RBM39: variants seen among roughly 807,000 people sequenced by gnomAD.
The protein encoded by RBM39 is RNA-binding protein 39.
In RBM39, 12 loss-of-function variants were observed where a neutral mutation model predicts 79.6. The observed-to-expected ratio is 0.15, with a 90% CI of 0.10 to 0.24. RBM39 has a LOEUF of 0.24. Ranked by LOEUF, RBM39 falls within the 10% of genes least tolerant of loss-of-function variation. RBM39 has a pLI of 1.00. For synonymous variants in RBM39, 185 were observed against 208.4 expected (o/e 0.89, Z 0.97); for missense variants, 243 against 653.4 (o/e 0.37, Z 6.85).
At chr20:35,707,272 C>G in intron 13 of RBM39, 71 bp from the exon 14 acceptor site, 2 of 1,128,060 alleles carry the variant, frequency 1.8e-6, no homozygotes, top group Non-Finnish European at 1.3e-6. Flanking sequence ...TACTTTAAAA[C>G]GAAACCAAAA....
At chr20:35,722,447 T>C in intron 8 of RBM39, among the ~76,000 whole-genome samples, 1 of 141,934 alleles carries the variant, frequency 7.0e-6, no homozygotes, top group African/African-American at 2.6e-5. Flanking sequence ...AATAAAAAGT[T>C]TATTTAGAGG....
Position 35,712,813 on chromosome 20 carries a change from G to A in RBM39, c.1174+206C>T, listed in dbSNP as rs564044435. Among the ~76,000 whole-genome samples, 7 of 152,042 alleles carry A rather than the reference G, an allele frequency of 4.6e-5. No individual in the cohort carries two copies. The East Asian group carries it at 7.7e-4, about 17-fold the overall frequency. Reference sequence around the variant, plus strand: ...ATTTCGACTAAAAACTGGGGTGCAGGGTTTAAAACTGTCCTGACAACTCAT... The same window carrying A: ...ATTTCGACTAAAAACTGGGGTGCAGAGTTTAAAACTGTCCTGACAACTCAT... On this transcript the variant is annotated intron_variant, in intron 12 of 16. Coordinates refer to ENST00000253363, the MANE Select transcript of RBM39 (RefSeq NM_184234.3).
At chr20:35,719,989 G>A in intron 9 of RBM39, 2 of 275,012 alleles carry the variant, frequency 7.3e-6, no homozygotes, top group Non-Finnish European at 1.5e-5. Context: ...TACCACGTTG[G>A]CCAAGCTGGT....
intron 9 of RBM39, among the ~76,000 whole-genome samples, chr20:35,720,894 C>G (rs1302152373): frequency 6.6e-6 from 1 of 152,194 alleles, no homozygotes; most frequent in East Asian, 1.9e-4. Context: ...AAGGGCAAAT[C>G]TAATCAGGCT....
chr20:35,736,664 T>C (rs2039951844), intron 3 of RBM39: 1 of 454,824 alleles, frequency 2.2e-6, no homozygotes, highest in Non-Finnish European at 4.5e-6. Context: ...ATTTTTATGT[T>C]TGTTTGAGAC....
intron 3 of RBM39, among the ~76,000 whole-genome samples, chr20:35,736,062 G>A (rs538803735): frequency 3.3e-5 from 5 of 152,314 alleles, no homozygotes; most frequent in East Asian, 3.9e-4. Context: ...AAAAGTGTAC[G>A]TTCTTATCCT....
intron 8 of RBM39, among the ~76,000 whole-genome samples, chr20:35,722,429 A>AT (rs1569029178): frequency 1.2e-4 from 15 of 122,562 alleles, no homozygotes; most frequent in African/African-American, 3.6e-4. Flanking sequence ...AATAAAAAAA[A>AT]AAATAAAAAT....
chr20:35,708,226 A>C (rs2035985625), intron 13 of RBM39, among the ~76,000 whole-genome samples: 1 of 152,068 alleles, frequency 6.6e-6, no homozygotes, highest in Non-Finnish European at 1.5e-5. Flanking sequence ...TTCTGCTGGA[A>C]AAAAGTTAAA....
At chr20:35,709,664 T>C (rs984625163) in intron 12 of RBM39, among the ~76,000 whole-genome samples, 2 of 152,138 alleles carry the variant, frequency 1.3e-5, no homozygotes, top group African/African-American at 2.4e-5. Context: ...TTAGTGGCCA[T>C]AGTACTTAAC....
intron 6 of RBM39, among the ~76,000 whole-genome samples, chr20:35,729,096 TAA>T (rs1569052226): frequency 2.3e-4 from 35 of 151,910 alleles, no homozygotes; most frequent in Middle Eastern, 3.4e-3. Context: ...AATAAATAAA[TAA>T]ATAAATATAT....
chr20:35,728,352 G>A (rs894503235), intron 6 of RBM39, among the ~76,000 whole-genome samples: 8 of 152,058 alleles, frequency 5.3e-5, no homozygotes, highest in African/African-American at 1.7e-4. Flanking sequence ...CTAATTACCC[G>A]ATTTGATCAT....
Position 35,714,296 on chromosome 20 carries a change from G to A in RBM39, c.985C>T (p.Arg329Cys). Reference sequence around the variant, plus strand: ...GAACTAGCACTCGAAGCATCAGTACGTTCAGTAACATGACCAACTTTCATT... The same window carrying A: ...GAACTAGCACTCGAAGCATCAGTACATTCAGTAACATGACCAACTTTCATT... ...RPMKVGHVTE[R>C]TDASSASSFL... The change falls in exon 11 of 17, where the codon CGT becomes TGT. Residue 329 changes from arginine to cysteine, a missense_variant. Arg to Cys is a radical substitution (Grantham distance 180). Transcript: ENST00000253363. 6.2e-7 allele frequency: 1 copy of A among 1,614,044 alleles called. No homozygotes were observed. The highest frequency in any genetic ancestry group is 8.5e-7 in the Non-Finnish European group (1 of 1,179,984).
intron 3 of RBM39, among the ~76,000 whole-genome samples, chr20:35,735,436 T>A (rs1323707628): frequency 6.6e-6 from 1 of 152,226 alleles, no homozygotes; most frequent in Non-Finnish European, 1.5e-5. Flanking sequence ...ATCAGAATTA[T>A]ACAATTAAAA....
chr20:35,724,863 T>C, intron 7 of RBM39, 141 bp from the exon 8 acceptor site: 1 of 1,174,948 alleles, frequency 8.5e-7, no homozygotes, highest in Admixed American at 2.5e-5. Flanking sequence ...CTATATCCTA[T>C]CTTTATCTTT....
At chr20:35,722,135 C>T (rs1475453454) in intron 8 of RBM39, among the ~76,000 whole-genome samples, 8 of 152,026 alleles carry the variant, frequency 5.3e-5, no homozygotes, top group Admixed American at 3.9e-4. Flanking sequence ...TGGCTGGGCA[C>T]GATGGCTCAC....
In RBM39 at chr20:35,704,246, T is replaced by C. The variant is rs375506145; in HGVS notation, c.*235A>G. On this transcript the variant is annotated 3_prime_UTR_variant, in exon 17 of 17. Coordinates refer to ENST00000253363, the MANE Select transcript of RBM39 (RefSeq NM_184234.3). ...TCCTATAGTTCATTAATTTTCTACA[T>C]GAACATTTTAAAAGGCAGAACAAGA... 5.1e-4 allele frequency: 172 copies of C among 335,774 alleles called. No homozygotes were observed. Among genetic ancestry groups the C allele is most frequent in the African/African-American group, 3.5e-3 (164 of 47,142 alleles). 20.8% of individuals were successfully genotyped at this position (335,774 alleles called of 1,614,324 possible). A position where few individuals can be genotyped will look rare whatever the true frequency, so the allele number is the denominator to read the frequency against.
At chr20:35,729,562 GT>G in intron 4 of RBM39, 35 bp from the exon 5 acceptor site, 1 of 1,589,852 alleles carries the variant, frequency 6.3e-7, no homozygotes. Context: ...CTAGTTACAG[GT>G]TTAGGGTCTT....
In RBM39 at chr20:35,738,978, G is replaced by C. The variant is rs1184544040; in HGVS notation, c.91C>G (p.Arg31Gly). The C allele has an allele frequency of 6.2e-7, 1 of 1,613,246 alleles. No homozygotes were observed. The highest frequency in any genetic ancestry group is 1.7e-5 in the Admixed American group (1 of 59,998). The change falls in exon 3 of 17, where the codon CGT becomes GGT. Residue 31 changes from arginine to glycine, a missense_variant. Coordinates refer to ENST00000253363, the MANE Select transcript of RBM39 (RefSeq NM_184234.3). ...CTTCTTAAAACTCACTTTTTGCTAC[G>C]TTCTTCATGGCCGTTGGCACTGCTC... ...KLSSANGHEE[R>G]SKKRKKSKSR...
chr20:35,723,119 AC>A (rs1352993466), intron 8 of RBM39, among the ~76,000 whole-genome samples: 5 of 152,080 alleles, frequency 3.3e-5, no homozygotes, highest in Non-Finnish European at 7.4e-5. Context: ...GATTGGTATA[AC>A]CGAACGTAGT....
Sources: gnomAD v4.1 joint callset for allele counts (sites outside exome capture counted in the v4.1 genomes callset) on GRCh38, gnomAD v4.1.1 for gene constraint, MANE v1.5 for transcripts, NCBI Gene and HGNC (gene_info 2026-07-23, HGNC 2026-07-21) for gene names.